Variants in IFT81 observed in about 807,000 individuals in gnomAD.
IFT81 encodes the protein intraflagellar transport protein 81 homolog.
IFT81 carries 72 observed loss-of-function variants against 102.6 expected under a neutral mutation model. The observed-to-expected ratio is 0.70, with a 90% confidence interval of 0.58 to 0.85. IFT81 has a LOEUF of 0.85. IFT81 is among the 40% of genes least tolerant of loss of function. IFT81 has a pLI of 0.00. For synonymous variants in IFT81, 237 were observed against 242.7 expected (o/e 0.98, Z 0.22); for missense variants, 723 against 787.3 (o/e 0.92, Z 0.98).
intron 9 of IFT81, among the ~76,000 whole-genome samples, chr12:110,146,381 A>C (rs1330149698): frequency 1.3e-5 from 2 of 152,216 alleles, no homozygotes; most frequent in Non-Finnish European, 2.9e-5. Context: ...GAATCATTGT[A>C]ATAAATCCCT....
chr12:110,212,352 C>T (rs1273806731), intron 18 of IFT81, among the ~76,000 whole-genome samples: 1 of 151,760 alleles, frequency 6.6e-6, no homozygotes, highest in Non-Finnish European at 1.5e-5. Context: ...TGAGACCAGT[C>T]TGGCCAACAT....
intron 11 of IFT81, among the ~76,000 whole-genome samples, chr12:110,177,092 A>C (rs1461776655): frequency 6.6e-6 from 1 of 152,268 alleles, no homozygotes; most frequent in African/African-American, 2.4e-5. Context: ...CAGGTACATT[A>C]GTATGACTTA....
intron 11 of IFT81, among the ~76,000 whole-genome samples, chr12:110,169,997 G>C (rs1896659062): frequency 6.6e-6 from 1 of 151,826 alleles, no homozygotes; most frequent in African/African-American, 2.4e-5. Flanking sequence ...CTGTTGCCCA[G>C]GCTGGAGTGC....
At chr12:110,211,462 A>T (rs556716509) in intron 18 of IFT81, among the ~76,000 whole-genome samples, 11 of 152,138 alleles carry the variant, frequency 7.2e-5, no homozygotes, top group East Asian at 1.9e-4. Flanking sequence ...AAGTGCTAGG[A>T]TTACAGACAT....
intron 11 of IFT81, chr12:110,172,154 A>G (rs990673619): frequency 3.3e-5 from 5 of 152,188 alleles, no homozygotes; most frequent in African/African-American, 1.2e-4. Flanking sequence ...TTCTGGCCAG[A>G]CGTGGTGGCT....
intron 12 of IFT81, among the ~76,000 whole-genome samples, chr12:110,188,425 G>T (rs1897647250): frequency 2.0e-5 from 3 of 151,506 alleles, no homozygotes; most frequent in African/African-American, 7.3e-5. Context: ...CTAAGATTTG[G>T]TAATGCCTAA....
At chr12:110,209,115 G>C in intron 17 of IFT81, 56 bp from the exon 18 acceptor site, 1 of 947,282 alleles carries the variant, frequency 1.1e-6, no homozygotes, top group African/African-American at 1.7e-5. Context: ...TAATTCACTT[G>C]TATGATCAAA....
chr12:110,136,138 G>A (rs1295401530), intron 7 of IFT81, among the ~76,000 whole-genome samples: 1 of 152,054 alleles, frequency 6.6e-6, no homozygotes, highest in African/African-American at 2.4e-5. Context: ...TACTACAATG[G>A]CAAATAAGTC....
At chr12:110,152,801 C>T (rs897198860) in intron 10 of IFT81, among the ~76,000 whole-genome samples, 1 of 152,024 alleles carries the variant, frequency 6.6e-6, no homozygotes, top group African/African-American at 2.4e-5. Flanking sequence ...TCCTACAGTG[C>T]CCAGTCTGGT....
intron 13 of IFT81, 105 bp from the exon 14 acceptor site, chr12:110,192,512 T>C (rs1195002495): frequency 1.6e-6 from 1 of 611,272 alleles, no homozygotes; most frequent in Non-Finnish European, 2.9e-6. Context: ...TAATTTGCAG[T>C]TTTTTGCTCT....
chr12:110,180,580 G>C lies in IFT81; in HGVS notation c.1338+9G>C. The C allele has an allele frequency of 6.3e-7, 1 of 1,587,360 alleles. No individual in the cohort carries two copies. Among genetic ancestry groups the C allele is most frequent in the Non-Finnish European group, 8.6e-7 (1 of 1,161,460 alleles). On this transcript the variant is annotated intron_variant, in intron 12 of 18. Coordinates refer to ENST00000242591, the MANE Select transcript of IFT81 (RefSeq NM_014055.4). ...ATATTCAACAACAACTGGTAATACA[G>C]TATTATCTTGGGCTACTATAAATAC... is the stretch of plus-strand genomic sequence containing the variant.
chr12:110,148,228 T>C (rs1369345384), intron 10 of IFT81, among the ~76,000 whole-genome samples: 1 of 152,086 alleles, frequency 6.6e-6, no homozygotes, highest in East Asian at 1.9e-4. Flanking sequence ...AACCCTATGG[T>C]GTTGTTTTAC....
rs1427693591 is a variant in IFT81, at chr12:110,163,061, A to G, written c.1184A>G (p.Asp395Gly). ...EFDGTEVLKG[D>G]EFKRYVNKLR... ...GATGGTACTGAAGTTTTAAAGGGAG[A>G]TGAGGTAAGCTGAGCCATCTCATGG... Residue 395 changes from aspartate to glycine, a missense_variant, in exon 11 of 19, where the codon GAT (aspartate) becomes GGT (glycine). Coordinates refer to ENST00000242591, the MANE Select transcript of IFT81 (RefSeq NM_014055.4). 6.2e-7 allele frequency: 1 copy of G among 1,613,626 alleles called. No homozygotes were observed. The highest frequency in any genetic ancestry group is 1.3e-5 in the African/African-American group (1 of 75,012).
chr12:110,164,628 T>A (rs541853462), intron 11 of IFT81, among the ~76,000 whole-genome samples: 31 of 152,218 alleles, frequency 2.0e-4, no homozygotes, highest in Non-Finnish European at 3.8e-4. Flanking sequence ...CACTTTTCTC[T>A]GTGGTACTTC....
intron 14 of IFT81, among the ~76,000 whole-genome samples, chr12:110,193,154 C>T (rs1371623503): frequency 6.6e-6 from 1 of 152,076 alleles, no homozygotes; most frequent in Admixed American, 6.6e-5. Flanking sequence ...CAGAGTGAGA[C>T]CCTGTCTCCC....
chr12:110,186,769 G>A (rs931740413), intron 12 of IFT81, among the ~76,000 whole-genome samples: 4 of 152,056 alleles, frequency 2.6e-5, no homozygotes, highest in African/African-American at 9.7e-5. Context: ...GGGTCCAAAC[G>A]ATCCACCTGC....
At chr12:110,180,695 A>C (rs1029457650) in intron 12 of IFT81, 124 bp downstream of exon 12, 3 of 611,660 alleles carry the variant, frequency 4.9e-6, no homozygotes, top group Non-Finnish European at 7.8e-6. Flanking sequence ...TCTCTGATTA[A>C]TTACAGACAT....
intron 8 of IFT81, among the ~76,000 whole-genome samples, chr12:110,139,630 C>T (rs1254977979): frequency 4.6e-5 from 7 of 151,006 alleles, no homozygotes; most frequent in Non-Finnish European, 1.0e-4. Flanking sequence ...AAAAATTAGC[C>T]GGGCATGGTG....
chr12:110,191,541 T>C (rs1897797055), intron 13 of IFT81, among the ~76,000 whole-genome samples: 1 of 152,182 alleles, frequency 6.6e-6, no homozygotes, highest in African/African-American at 2.4e-5. Context: ...TAATAGTTTA[T>C]GCATTTTCTG....
Sources: gnomAD v4.1 joint callset for allele counts (sites outside exome capture counted in the v4.1 genomes callset) on GRCh38, gnomAD v4.1.1 for gene constraint, MANE v1.5 for transcripts, NCBI Gene and HGNC (gene_info 2026-07-23, HGNC 2026-07-21) for gene names.